The following KCTD8 variants were observed in gnomAD, a reference collection of about 807,000 sequenced individuals.
KCTD8 encodes BTB/POZ domain-containing protein KCTD8.
A neutral mutation model predicts 31.5 loss-of-function variants in KCTD8; 27 were observed. The ratio of observed to expected loss-of-function variants is 0.86; its 90% CI spans 0.63 to 1.18. The LOEUF is 1.18. Among genes scored for constraint, KCTD8 ranks in the 50% most tolerant of loss-of-function variants. KCTD8 has a pLI of 0.00. For missense variants in KCTD8, 658 were observed against 647.7 expected (o/e 1.02, Z -0.17); for synonymous variants, 290 against 280.0 (o/e 1.04, Z -0.36).
At chr4:44,380,783 T>G (rs562498068) in intron 1 of KCTD8, among the ~76,000 whole-genome samples, 1 of 152,094 alleles carries the variant, frequency 6.6e-6, no homozygotes, top group South Asian at 2.1e-4. Context: ...ATGTCTAGAT[T>G]GAAGATGATT....
At chr4:44,290,702 T>C (rs561045532) in intron 1 of KCTD8, among the ~76,000 whole-genome samples, 1 of 152,232 alleles carries the variant, frequency 6.6e-6, no homozygotes, top group African/African-American at 2.4e-5. Context: ...AACTTGCTCC[T>C]GAGTAACTCT....
At chr4:44,176,356 T>C (rs1472788380) in intron 1 of KCTD8, among the ~76,000 whole-genome samples, 4 of 152,310 alleles carry the variant, frequency 2.6e-5, no homozygotes, top group Non-Finnish European at 4.4e-5. Flanking sequence ...CTTCAGATTA[T>C]TGATACCTTG....
intron 1 of KCTD8, among the ~76,000 whole-genome samples, chr4:44,350,602 T>A (rs989304416): frequency 1.4e-4 from 22 of 152,264 alleles, no homozygotes; most frequent in African/African-American, 4.8e-4. Context: ...ACTCCAAAAA[T>A]TTTTTAGTGA....
intron 1 of KCTD8, among the ~76,000 whole-genome samples, chr4:44,268,250 A>G (rs1264183178): frequency 1.3e-5 from 2 of 151,966 alleles, no homozygotes; most frequent in African/African-American, 4.8e-5. Flanking sequence ...TATGCAAATC[A>G]ATAAATGTAA....
chr4:44,369,437 T>C (rs1719727402), intron 1 of KCTD8, among the ~76,000 whole-genome samples: 1 of 152,210 alleles, frequency 6.6e-6, no homozygotes, highest in Non-Finnish European at 1.5e-5. Context: ...ATGAAGGAAT[T>C]TGCAAATTAC....
chr4:44,275,518 T>TA (rs1313272461), intron 1 of KCTD8, among the ~76,000 whole-genome samples: 1 of 152,048 alleles, frequency 6.6e-6, no homozygotes. Flanking sequence ...AGAAAGTTTT[T>TA]AGTCATCTAT....
At chr4:44,399,724 A>G (rs11722801) in intron 1 of KCTD8, among the ~76,000 whole-genome samples, 2,849 of 152,318 alleles carry the variant, frequency 0.019, 44 homozygotes, top group Non-Finnish European at 0.031. Context: ...AAGATGAAAA[A>G]GAACAATCAA....
At chr4:44,414,742 T>C (rs139254253) in intron 1 of KCTD8, among the ~76,000 whole-genome samples, 29 of 152,206 alleles carry the variant, frequency 1.9e-4, no homozygotes, top group Non-Finnish European at 3.8e-4. Context: ...AAATCTCATA[T>C]TGGAATGCAC....
intron 1 of KCTD8, among the ~76,000 whole-genome samples, chr4:44,388,310 C>G (rs527525396): frequency 5.3e-5 from 8 of 151,728 alleles, no homozygotes; most frequent in African/African-American, 1.9e-4. Flanking sequence ...TCCTCAAAGA[C>G]CTAAAGACAG....
chr4:44,361,872 C>G (rs4324578), intron 1 of KCTD8, among the ~76,000 whole-genome samples: 46,755 of 151,840 alleles, frequency 0.31, 7,918 homozygotes, highest in Non-Finnish European at 0.39. Context: ...CTATTGAGTA[C>G]CTTATAGTCA....
chr4:44,414,326 G>T (rs931893270), intron 1 of KCTD8, among the ~76,000 whole-genome samples: 12 of 151,782 alleles, frequency 7.9e-5, no homozygotes, highest in African/African-American at 2.9e-4. Context: ...TGGGTTTTTA[G>T]GAAACCTGAA....
At chr4:44,234,344 A>G (rs1224879113) in intron 1 of KCTD8, among the ~76,000 whole-genome samples, 1 of 152,166 alleles carries the variant, frequency 6.6e-6, no homozygotes, top group African/African-American at 2.4e-5. Context: ...AATCTACTCT[A>G]GAGAGTAAGG....
At chr4:44,275,991 T>C (rs953364342) in intron 1 of KCTD8, among the ~76,000 whole-genome samples, 4 of 151,390 alleles carry the variant, frequency 2.6e-5, no homozygotes, top group Non-Finnish European at 1.5e-5. Flanking sequence ...TTGATTAAAA[T>C]ATGGTTTCTT....
At chr4:44,429,396 T>A (rs1176452340) in intron 1 of KCTD8, among the ~76,000 whole-genome samples, 1 of 151,648 alleles carries the variant, frequency 6.6e-6, no homozygotes, top group African/African-American at 2.4e-5. Flanking sequence ...CAAATGCTGA[T>A]AAGATGTGGA....
chr4:44,198,207 G>T (rs1714008104), intron 1 of KCTD8, among the ~76,000 whole-genome samples: 1 of 152,130 alleles, frequency 6.6e-6, no homozygotes, highest in Admixed American at 6.5e-5. Flanking sequence ...GATAGAGAGT[G>T]AATAAGCAAT....
chr4:44,176,913 T>TAA (rs1211355316), intron 1 of KCTD8, among the ~76,000 whole-genome samples: 1 of 112,382 alleles, frequency 8.9e-6, no homozygotes, highest in African/African-American at 3.6e-5. Context: ...GGGAAAGTCT[T>TAA]AAGCAATATT....
chr4:44,386,409 T>G (rs182522868), intron 1 of KCTD8, among the ~76,000 whole-genome samples: 1 of 150,712 alleles, frequency 6.6e-6, no homozygotes, highest in Non-Finnish European at 1.5e-5. Context: ...TATAGGAAAA[T>G]ATCTAATAAT....
intron 1 of KCTD8, among the ~76,000 whole-genome samples, chr4:44,358,409 C>T (rs1170342743): frequency 6.6e-6 from 1 of 152,032 alleles, no homozygotes; most frequent in Non-Finnish European, 1.5e-5. Context: ...TGGGTATATA[C>T]CAGTAATGGG....
At chr4:44,222,356 T>C (rs918172769) in intron 1 of KCTD8, among the ~76,000 whole-genome samples, 4 of 152,170 alleles carry the variant, frequency 2.6e-5, no homozygotes, top group Non-Finnish European at 5.9e-5. Flanking sequence ...CAGAGACAAA[T>C]TGGAAACCAA....
Sources: gnomAD v4.1 joint callset for allele counts (sites outside exome capture counted in the v4.1 genomes callset) on GRCh38, gnomAD v4.1.1 for gene constraint, MANE v1.5 for transcripts, NCBI Gene and HGNC (gene_info 2026-07-23, HGNC 2026-07-21) for gene names.